Variants in NDRG3 observed in about 807,000 individuals in gnomAD.
NDRG3 encodes the protein NDRG family member 3, also known as protein NDRG3.
NDRG3 carries 23 observed loss-of-function variants against 57.2 expected under a neutral mutation model. That is an observed-to-expected ratio of 0.40 (90% CI 0.29 to 0.57). The LOEUF (loss-of-function observed/expected upper bound fraction) is 0.57. NDRG3 is among the 20% of genes least tolerant of loss of function. The pLI, the probability that NDRG3 is intolerant of heterozygous loss-of-function variation, is 0.42. For synonymous variants in NDRG3, 132 were observed against 162.6 expected, an observed-to-expected ratio of 0.81 and a Z score of 1.43; for missense variants, 384 against 457.3, an observed-to-expected ratio of 0.84 and a Z score of 1.46.
chr20:36,653,693 C>T lies in NDRG3; in HGVS notation c.955G>A (p.Ala319Thr). The T allele has an allele frequency of 1.9e-6, 3 of 1,613,242 alleles. No individual in the cohort carries two copies. The highest frequency in any genetic ancestry group is 2.5e-6 in the Non-Finnish European group (3 of 1,179,922). ...FLQGMGYIPSASMTRLARSRT... is the reference protein window; with the variant it reads ...FLQGMGYIPSTSMTRLARSRT... Reference sequence around the variant, plus strand: ...GATCGGGCGAGCCGAGTCATGCTGGCAGATGGTACTGTAACAGAGAACCAA... The same window carrying T: ...GATCGGGCGAGCCGAGTCATGCTGGTAGATGGTACTGTAACAGAGAACCAA... The change falls in exon 16 of 16, where the codon GCC (alanine) becomes ACC (threonine). Residue 319 changes from alanine (A) to threonine (T), a missense_variant. Ala to Thr is a moderately conservative substitution (Grantham distance 58). Transcript: ENST00000349004. The surrounding 1 kb of genome is among the most constrained non-coding windows in gnomAD (Gnocchi z 4.2).
At chr20:36,677,888 C>T (rs1294749191) in intron 8 of NDRG3, among the ~76,000 whole-genome samples, 2 of 152,188 alleles carry the variant, frequency 1.3e-5, no homozygotes, top group Non-Finnish European at 2.9e-5. Context: ...GACAAATCAA[C>T]ACCCCAGAGA....
At chr20:36,683,973 G>A (rs545060340) in intron 6 of NDRG3, among the ~76,000 whole-genome samples, 3 of 152,088 alleles carry the variant, frequency 2.0e-5, no homozygotes, top group Non-Finnish European at 2.9e-5. Context: ...TGAGATGAAC[G>A]TTTTTAAAAA....
chr20:36,705,525 T>C (rs1983502073), intron 3 of NDRG3, among the ~76,000 whole-genome samples: 1 of 152,136 alleles, frequency 6.6e-6, no homozygotes, highest in South Asian at 2.1e-4. Flanking sequence ...AAACGCATAT[T>C]TGAAAATAAC....
At chr20:36,745,961 C>G in intron 1 of NDRG3, 84 bp downstream of exon 1, 2 of 273,386 alleles carry the variant, frequency 7.3e-6, no homozygotes, top group Non-Finnish European at 1.4e-5. Context: ...GGAGATGATG[C>G]GGGGAAGGAG....
At chr20:36,659,244 T>C (rs1011732713) in intron 13 of NDRG3, among the ~76,000 whole-genome samples, 1 of 152,012 alleles carries the variant, frequency 6.6e-6, no homozygotes, top group Non-Finnish European at 1.5e-5. Context: ...CCAGCCAAAG[T>C]TTTTAGTTAC....
chr20:36,724,116 A>C lies in NDRG3; in HGVS notation c.-48-2333T>G, dbSNP rs1319925909. Among the ~76,000 whole-genome samples, 3 of 152,182 alleles carry C rather than the reference A, an allele frequency of 2.0e-5. No individual in the cohort carries two copies. In the South Asian group the frequency reaches 6.2e-4, roughly 32 times the overall value. On this transcript the variant is annotated intron_variant, in intron 1 of 15. Transcript: ENST00000349004. ...ATGTGTTCCAGGCTACCTTTTAGCT[A>C]TTATTTGCCAACACACTGAAATAAA...
intron 3 of NDRG3, among the ~76,000 whole-genome samples, chr20:36,690,871 C>G (rs1273883726): frequency 6.6e-6 from 1 of 152,098 alleles, no homozygotes; most frequent in Non-Finnish European, 1.5e-5. Context: ...AGCTCAGGAA[C>G]TGAATAAAGC....
At chr20:36,736,925 C>A (rs1407996523) in intron 1 of NDRG3, among the ~76,000 whole-genome samples, 1 of 152,070 alleles carries the variant, frequency 6.6e-6, no homozygotes, top group Non-Finnish European at 1.5e-5. Flanking sequence ...ACAGGAAGTA[C>A]CCCTGCTCAT....
At position 36,698,132 on chromosome 20, in the gene NDRG3, A is replaced by AT. The variant is rs1223647819; in HGVS notation, c.93+8839dup. Among the ~76,000 whole-genome samples, 7 of 151,604 alleles carry AT rather than the reference A, an allele frequency of 4.6e-5. No homozygotes were observed. In the East Asian group the frequency reaches 1.4e-3, roughly 30 times the overall value. ...AGGCACACGCCACCACACCTGGCTGATTTTTTGTATTTTTAGTAGAGATAC... is the reference window on the plus strand; with the variant it reads ...AGGCACACGCCACCACACCTGGCTGATTTTTTTGTATTTTTAGTAGAGATAC... On this transcript the variant is annotated intron_variant, in intron 3 of 15. Coordinates refer to ENST00000349004, the MANE Select transcript of NDRG3 (RefSeq NM_032013.4).
At chr20:36,713,271 G>A (rs1408855548) in intron 2 of NDRG3, among the ~76,000 whole-genome samples, 1 of 152,194 alleles carries the variant, frequency 6.6e-6, no homozygotes, top group Non-Finnish European at 1.5e-5. Context: ...CAAAGTAGAA[G>A]CCAGCTAAGA....
At position 36,687,494 on chromosome 20, in the gene NDRG3, T is replaced by C. The variant is rs1468388317; in HGVS notation, c.318A>G (p.Thr106=). The C allele has an allele frequency of 6.2e-7, 1 of 1,613,350 alleles. No homozygotes were observed. Residue 106 remains threonine (T), a splice_region_variant and synonymous_variant, in exon 5 of 16, where the codon ACA becomes ACG. Transcript: ENST00000349004. ...AGATGATCTTTTCGTGGCCTTACCC[T>C]GTTGGGAAAGAGGGTGCACCTTCCT... ...GQQEGAPSFP[T]GYQYPTMDEL...
chr20:36,652,581 C>T lies in NDRG3; in HGVS notation c.*939G>A, dbSNP rs1568616423. ...ACATGCTTTTTAGGCCAAACCTCTC[C>T]CCTTTCTGGGAACTGAGGAATGGAG... On this transcript the variant is annotated 3_prime_UTR_variant, in exon 16 of 16. Coordinates refer to ENST00000349004, the MANE Select transcript of NDRG3 (RefSeq NM_032013.4). The T allele has an allele frequency of 6.6e-6, 1 of 152,044 alleles. No individual in the cohort carries two copies. The highest frequency in any genetic ancestry group is 2.4e-5 in the African/African-American group (1 of 41,378). The allele number at this position is 152,044 out of a possible 1,614,324, so 9.4% of individuals were successfully genotyped here.
At chr20:36,732,457 A>G (rs1308143984) in intron 1 of NDRG3, among the ~76,000 whole-genome samples, 1 of 152,190 alleles carries the variant, frequency 6.6e-6, no homozygotes, top group Non-Finnish European at 1.5e-5. Context: ...AGCACATCAG[A>G]TGTGGATTCT....
chr20:36,660,721 C>T (rs962569133), intron 12 of NDRG3, among the ~76,000 whole-genome samples: 7 of 151,848 alleles, frequency 4.6e-5, no homozygotes, highest in Admixed American at 1.3e-4. Flanking sequence ...CTACCACGCC[C>T]GGCTAATTTT....
At position 36,716,643 on chromosome 20, in the gene NDRG3, C is replaced by T. The variant is rs113959778; in HGVS notation, c.57+5036G>A. ...ACATTTATTCCCCTTTCTGCTATTT[C>T]CTCAATTCTTCAGAAGCCAAGTGTG... On this transcript the variant is annotated intron_variant, in intron 2 of 15. Transcript: ENST00000349004. Among the ~76,000 whole-genome samples, 203 of 152,178 alleles carry T rather than the reference C, an allele frequency of 1.3e-3. 1 individual carries two copies. Among genetic ancestry groups the T allele is most frequent in the Non-Finnish European group, 2.3e-3 (156 of 68,010 alleles).
At chr20:36,682,707 G>A in intron 6 of NDRG3, 129 bp from the exon 7 acceptor site, 1 of 752,586 alleles carries the variant, frequency 1.3e-6, no homozygotes, top group Non-Finnish European at 2.2e-6. Flanking sequence ...ATTTGGGCAA[G>A]TGTTTTTTTT....
chr20:36,729,689 G>C (rs1467310189), intron 1 of NDRG3, among the ~76,000 whole-genome samples: 1 of 152,004 alleles, frequency 6.6e-6, no homozygotes, highest in Non-Finnish European at 1.5e-5. Context: ...AACCACGCCT[G>C]GCTAATTTTT....
At chr20:36,674,821 C>T (rs1008994566) in intron 8 of NDRG3, among the ~76,000 whole-genome samples, 1 of 147,284 alleles carries the variant, frequency 6.8e-6, no homozygotes, top group African/African-American at 2.5e-5. Context: ...TGGCCTCAAG[C>T]GATCCTCCTG....
intron 1 of NDRG3, among the ~76,000 whole-genome samples, chr20:36,725,882 A>G (rs1234067870): frequency 6.6e-6 from 1 of 151,594 alleles, no homozygotes; most frequent in Admixed American, 6.6e-5. Flanking sequence ...AGAGAGGCCT[A>G]AGGTGCCCTC....
Sources: allele counts gnomAD v4.1 joint callset (sites outside exome capture counted in the v4.1 genomes callset), GRCh38; gene constraint gnomAD v4.1.1; non-coding constraint Gnocchi (gnomAD v3.1); transcripts MANE v1.5; gene names NCBI Gene and HGNC (gene_info 2026-07-23, HGNC 2026-07-21).